The following FNDC9 variants were observed in gnomAD, a reference collection of about 807,000 sequenced individuals.
FNDC9 encodes the protein fibronectin type III domain containing 9, also known as fibronectin type III domain-containing protein 9.
In FNDC9, 3 loss-of-function variants were observed where a neutral mutation model predicts 9.0. The observed-to-expected ratio is 0.33, with a 90% CI of 0.15 to 0.86. The LOEUF is 0.86. FNDC9 is among the 40% of genes least tolerant of loss of function. The pLI, the probability that FNDC9 is intolerant of heterozygous loss-of-function variation, is 0.53. For missense variants in FNDC9, 279 were observed against 287.2 expected, an observed-to-expected ratio of 0.97 and a Z score of 0.21; for synonymous variants, 114 against 115.6, an observed-to-expected ratio of 0.99 and a Z score of 0.09.
At position 157,342,539 on chromosome 5, in the gene FNDC9, T is replaced by G; in HGVS notation, c.*323A>C. On this transcript the variant is annotated 3_prime_UTR_variant, in exon 2 of 2. Transcript: ENST00000312349. ...AAGTGTTTCCTTCAAGTGCTGTGTT[T>G]TATTTGTCATGCAAATTTTTGCTTT... The G allele has an allele frequency of 1.2e-5, 1 of 80,676 alleles. No homozygotes were observed. The allele number at this position is 80,676 out of a possible 1,614,324, so 5.0% of individuals were successfully genotyped here. A position where few individuals can be genotyped will look rare whatever the true frequency, so the allele number is the denominator to read the frequency against.
At chr5:157,343,604 T>C in intron 1 of FNDC9, 61 bp from the exon 2 acceptor site, 1 of 1,310,242 alleles carries the variant, frequency 7.6e-7, no homozygotes, top group Non-Finnish European at 1.0e-6. Context: ...TTTATCATAA[T>C]CATAGCCACC....
chr5:157,343,540 G>A lies in FNDC9; in HGVS notation c.-4C>T, dbSNP rs758450078. 18 of 1,543,578 alleles carry A rather than the reference G, an allele frequency of 1.2e-5. No homozygotes were observed. Among genetic ancestry groups the A allele is most frequent in the East Asian group, 4.5e-5 (2 of 44,088 alleles). ...TGTTCCCCACCTCGATGTTCATCCC[G>A]ATTCTGGAACCAGAATCAAAGTGAA... On this transcript the variant is annotated 5_prime_UTR_variant, in exon 2 of 2. Transcript: ENST00000312349.
At chr5:157,344,410 G>A (rs1005051156) in intron 1 of FNDC9, among the ~76,000 whole-genome samples, 7 of 152,024 alleles carry the variant, frequency 4.6e-5, no homozygotes, top group African/African-American at 9.7e-5. Context: ...CCGCTAATAC[G>A]TAGAAAAAGG....
chr5:157,345,297 C>T (rs1055959849), intron 1 of FNDC9: 2 of 152,480 alleles, frequency 1.3e-5, no homozygotes, highest in East Asian at 3.8e-4. Context: ...GGCTTCCTAT[C>T]TGCCACTAGC....
chr5:157,343,333 A>G lies in FNDC9; in HGVS notation c.204T>C (p.Pro68=). 6.2e-7 allele frequency: 1 copy of G among 1,614,190 alleles called. No individual in the cohort carries two copies. The highest frequency in any genetic ancestry group is 1.3e-5 in the African/African-American group (1 of 75,048). Residue 68 remains proline, a synonymous_variant, in exon 2 of 2, where the codon CCT becomes CCC. Transcript: ENST00000312349. ...TGATGCACAGGAAGTAGAGAGTGGA[A>G]GGGGCAAGATGTTCCAGCACCACGG... ...ISSVVLEHLA[P]STLYFLCISC...
chr5:157,343,296 C>G lies in FNDC9; in HGVS notation c.241G>C (p.Ala81Pro), dbSNP rs369974736. The G allele has an allele frequency of 1.9e-6, 3 of 1,614,184 alleles. No individual in the cohort carries two copies. Among genetic ancestry groups the G allele is most frequent in the African/African-American group, 1.3e-5 (1 of 75,042 alleles). The change falls in exon 2 of 2, where the codon GCT becomes CCT. Residue 81 changes from alanine to proline, a missense_variant. Ala to Pro is a conservative substitution (Grantham distance 27). Transcript: ENST00000312349. Reference protein sequence around the residue: ...LYFLCISCKKAAFPYRHYCTM... With the variant: ...LYFLCISCKKPAFPYRHYCTM... ...CAGTAGTGCCTGTAAGGGAAGGCAG[C>G]CTTCTTACAGCTGATGCACAGGAAG...
rs185099179 is a variant in FNDC9 at position 157,342,754 on chromosome 5, G to A, written c.*108C>T. ...CCAACCCAGGTGACCTACAATAGCA[G>A]TGACGTTTGATGGGAGAGAAATGGG... On this transcript the variant is annotated 3_prime_UTR_variant, in exon 2 of 2. Transcript: ENST00000312349. 4.4e-6 allele frequency: 5 copies of A among 1,130,498 alleles called. No individual in the cohort carries two copies. In the African/African-American group the frequency reaches 7.8e-5, roughly 18 times the overall value. 70.0% of individuals were successfully genotyped at this position (1,130,498 alleles called of 1,614,324 possible).
Position 157,344,084 on chromosome 5 carries a change from G to A in FNDC9, c.-7-541C>T, listed in dbSNP as rs140573436. ...TGTTGCCCATGGTGAGTGGAAATTC[G>A]CTTCGTCACTCTTTGGCAGCTGATC... is the stretch of plus-strand genomic sequence containing the variant. On this transcript the variant is annotated intron_variant, in intron 1 of 1. Transcript: ENST00000312349. Among the ~76,000 whole-genome samples, 762 of 152,106 alleles carry A rather than the reference G, an allele frequency of 5.0e-3. 4 individuals carry two copies. Among genetic ancestry groups the A allele is most frequent in the Non-Finnish European group, 8.0e-3 (544 of 67,982 alleles).
rs200489390 is a variant in FNDC9 at position 157,342,902 on chromosome 5, C to T, written c.635G>A (p.Gly212Asp). ...AGGCAGTATAGCGGGTGGGTCACCACCCCCCCTCTGTAAGGCACCCGCATC... is the reference window on the plus strand; with the variant it reads ...AGGCAGTATAGCGGGTGGGTCACCATCCCCCCTCTGTAAGGCACCCGCATC... ...APDAGALQRGGGDPPAILPHC... is the reference protein window; with the variant it reads ...APDAGALQRGDGDPPAILPHC... The change falls in exon 2 of 2, where the codon GGT becomes GAT. Residue 212 changes from glycine to aspartate, a missense_variant. Gly to Asp is a moderately conservative substitution (Grantham distance 94). Transcript: ENST00000312349. 15 of 1,613,142 alleles carry T rather than the reference C, an allele frequency of 9.3e-6. No individual in the cohort carries two copies. In the East Asian group the frequency reaches 2.7e-4, roughly 29 times the overall value.
At position 157,341,974 on chromosome 5, in the gene FNDC9, A is replaced by G. The variant is rs1271910809; in HGVS notation, c.*888T>C. On this transcript the variant is annotated 3_prime_UTR_variant, in exon 2 of 2. Transcript: ENST00000312349. ...CACTGACTCGCAAAGTAAAAACAGC[A>G]CTTCCCTTTTCGATTCTCTTTCAAA... The G allele has an allele frequency of 1.3e-5, 2 of 152,440 alleles. No homozygotes were observed. The highest frequency in any genetic ancestry group is 1.9e-4 in the East Asian group (1 of 5,200). The allele number at this position is 152,440 out of a possible 1,614,324, so 9.4% of individuals were successfully genotyped here. A position where few individuals can be genotyped will look rare whatever the true frequency, so the allele number is the denominator to read the frequency against.
chr5:157,344,783 A>G (rs1042683419), intron 1 of FNDC9, among the ~76,000 whole-genome samples: 1 of 152,192 alleles, frequency 6.6e-6, no homozygotes, highest in African/African-American at 2.4e-5. Flanking sequence ...ACAGCTGTCA[A>G]CTGGATTTTC....
chr5:157,344,313 T>C (rs1762520153), intron 1 of FNDC9, among the ~76,000 whole-genome samples: 1 of 152,208 alleles, frequency 6.6e-6, no homozygotes, highest in East Asian at 1.9e-4. Context: ...TGCTAGATGA[T>C]TCACAGGCAG....
Position 157,343,517 on chromosome 5 carries a change from T to C in FNDC9, c.20A>G (p.Asn7Ser). Residue 7 changes from asparagine (N) to serine (S), a missense_variant, in exon 2 of 2, where the codon AAC becomes AGC. By Grantham distance (46) the Asn-to-Ser change is conservative (BLOSUM62 1). Transcript: ENST00000312349. MNIEVG[N>S]ISYTGAIISW... ...GATGATGGCTCCTGTATAAGAAATG[T>C]TCCCCACCTCGATGTTCATCCCGAT... The C allele has an allele frequency of 6.4e-7, 1 of 1,570,454 alleles. No individual in the cohort carries two copies.
chr5:157,343,164 T>C lies in FNDC9; in HGVS notation c.373A>G (p.Thr125Ala). The stretch of plus-strand genomic sequence containing the variant: ...AGGCAGATGAAGGCCAAGACGGCTG[T>C]GAAGCAGGCCAGCAGAATGGCCATC... ...VLMAILLACF[T>A]AVLAFICLQF... is the part of the protein sequence containing the mutation. The change falls in exon 2 of 2, where the codon ACA (threonine) becomes GCA (alanine). Residue 125 changes from threonine to alanine, a missense_variant. Physicochemically the swap from Thr to Ala is moderately conservative, Grantham distance 58. Coordinates refer to ENST00000312349, the MANE Select transcript of FNDC9 (RefSeq NM_001001343.4). 2 of 1,614,172 alleles carry C rather than the reference T, an allele frequency of 1.2e-6. No homozygotes were observed. Among genetic ancestry groups the C allele is most frequent in the Non-Finnish European group, 1.7e-6 (2 of 1,180,020 alleles).
intron 1 of FNDC9, 32 bp from the exon 2 acceptor site, chr5:157,343,575 C>T: frequency 6.8e-7 from 1 of 1,481,262 alleles, no homozygotes; most frequent in Non-Finnish European, 9.1e-7. Context: ...AGAGTGACAT[C>T]CCCTGATTTA....
intron 1 of FNDC9, among the ~76,000 whole-genome samples, chr5:157,344,487 G>A (rs1487509396): frequency 2.6e-5 from 4 of 152,122 alleles, no homozygotes; most frequent in Admixed American, 6.5e-5. Context: ...AGACGTTATC[G>A]CAAAATGAGG....
intron 1 of FNDC9, among the ~76,000 whole-genome samples, chr5:157,344,714 C>T (rs915652671): frequency 6.6e-6 from 1 of 152,228 alleles, no homozygotes; most frequent in Non-Finnish European, 1.5e-5. Context: ...TTGTCTTCCG[C>T]CTCTCCTCCC....
At position 157,343,528 on chromosome 5, in the gene FNDC9, G is replaced by C. The variant is rs767226158; in HGVS notation, c.9C>G (p.Ile3Met). ...CTGTATAAGAAATGTTCCCCACCTC[G>C]ATGTTCATCCCGATTCTGGAACCAG... MN[I>M]EVGNISYTGA... is the part of the protein sequence containing the mutation. Residue 3 changes from isoleucine (I) to methionine (M), a missense_variant, in exon 2 of 2, where the codon ATC becomes ATG. Physicochemically the swap from Ile to Met is conservative, Grantham distance 10. Transcript: ENST00000312349. 3 of 1,557,954 alleles carry C rather than the reference G, an allele frequency of 1.9e-6. No homozygotes were observed. Among genetic ancestry groups the C allele is most frequent in the Admixed American group, 3.7e-5 (2 of 53,832 alleles).
chr5:157,344,388 C>G (rs1762527511), intron 1 of FNDC9, among the ~76,000 whole-genome samples: 1 of 152,154 alleles, frequency 6.6e-6, no homozygotes, highest in South Asian at 2.1e-4. Context: ...GGATGAGCAA[C>G]CTGATGTCAC....
Sources: allele counts gnomAD v4.1 joint callset (sites outside exome capture counted in the v4.1 genomes callset), GRCh38; gene constraint gnomAD v4.1.1; transcripts MANE v1.5; gene names NCBI Gene and HGNC (gene_info 2026-07-23, HGNC 2026-07-21).